BSN: variants seen among roughly 807,000 people sequenced by gnomAD.
BSN encodes the protein protein bassoon.
In BSN, 57 loss-of-function variants were observed where a neutral mutation model predicts 264.8. The observed-to-expected ratio is 0.22, with a 90% CI of 0.17 to 0.27. The LOEUF (loss-of-function observed/expected upper bound fraction) is 0.27. BSN is among the 10% of genes least tolerant of loss of function. The pLI, the probability that BSN is intolerant of heterozygous loss-of-function variation, is 1.00. For missense variants in BSN, 4,615 were observed against 5,232.5 expected (o/e 0.88, Z 3.64); for synonymous variants, 2,059 against 2,137.3 (o/e 0.96, Z 1.01).
At chr3:49,611,534 T>C (rs546025919) in intron 1 of BSN, among the ~76,000 whole-genome samples, 3 of 152,162 alleles carry the variant, frequency 2.0e-5, no homozygotes, top group South Asian at 2.1e-4. Flanking sequence ...GAAGACGAGG[T>C]TGGGAAATGT....
chr3:49,636,703 G>T (rs527710464), intron 2 of BSN, among the ~76,000 whole-genome samples: 1 of 152,372 alleles, frequency 6.6e-6, no homozygotes, highest in African/African-American at 2.4e-5. Flanking sequence ...ATTGGCACAG[G>T]CCTCCCCTGG....
At chr3:49,559,115 C>T (rs1387829780) in intron 1 of BSN, among the ~76,000 whole-genome samples, 3 of 151,722 alleles carry the variant, frequency 2.0e-5, no homozygotes, top group African/African-American at 2.4e-5. Flanking sequence ...TTAGTAGAGA[C>T]GGGGTTTCAC....
intron 1 of BSN, among the ~76,000 whole-genome samples, chr3:49,589,482 C>A (rs1437520325): frequency 2.0e-5 from 3 of 148,808 alleles, no homozygotes; most frequent in Admixed American, 6.9e-5. Context: ...TATCAATCTT[C>A]AATCTTCATT....
intron 6 of BSN, 88 bp from the exon 7 acceptor site, chr3:49,662,788 C>T (rs2052672519): frequency 1.3e-6 from 2 of 1,483,754 alleles, no homozygotes; most frequent in Non-Finnish European, 1.8e-6. Flanking sequence ...GTGGCACCCA[C>T]TCTCTTGGTT....
intron 1 of BSN, among the ~76,000 whole-genome samples, chr3:49,567,922 G>A (rs1223813830): frequency 6.6e-6 from 1 of 152,138 alleles, no homozygotes; most frequent in African/African-American, 2.4e-5. Flanking sequence ...CTGTTAGCTG[G>A]GAGCCCCAGG....
At chr3:49,584,277 G>T (rs550128771) in intron 1 of BSN, among the ~76,000 whole-genome samples, 1 of 72,584 alleles carries the variant, frequency 1.4e-5, no homozygotes, top group African/African-American at 5.4e-5. Context: ...TTAAAAGAAG[G>T]CTTATTGATT....
intron 1 of BSN, among the ~76,000 whole-genome samples, chr3:49,594,198 T>G (rs530845807): frequency 6.6e-6 from 1 of 152,374 alleles, no homozygotes; most frequent in African/African-American, 2.4e-5. Context: ...AAGCAAAACC[T>G]TTTAAATTTG....
intron 1 of BSN, among the ~76,000 whole-genome samples, chr3:49,588,898 T>C (rs892025771): frequency 1.3e-5 from 2 of 151,800 alleles, no homozygotes; most frequent in African/African-American, 4.8e-5. Flanking sequence ...GAGTGCGCAT[T>C]CTGCTGTTGT....
intron 1 of BSN, among the ~76,000 whole-genome samples, chr3:49,564,955 C>T (rs1420549760): frequency 6.6e-6 from 1 of 150,762 alleles, no homozygotes; most frequent in Non-Finnish European, 1.5e-5. Flanking sequence ...AGCAAGTGCT[C>T]TGCAGATGAA....
Position 49,654,309 on chromosome 3 carries a change from A to G in BSN, c.4753A>G (p.Thr1585Ala). The G allele has an allele frequency of 6.2e-7, 1 of 1,613,416 alleles. No individual in the cohort carries two copies. The highest frequency in any genetic ancestry group is 8.5e-7 in the Non-Finnish European group (1 of 1,179,854). The change falls in exon 5 of 12, where the codon ACT becomes GCT. Residue 1585 changes from threonine (T) to alanine (A), a missense_variant. This residue lies in a region of BSN where 3,415 missense variants were observed against 3,866.4 expected (regional missense o/e 0.88). Coordinates refer to ENST00000296452, the MANE Select transcript of BSN (RefSeq NM_003458.4). This position sits in a 1 kb window ranked among gnomAD's most constrained non-coding sequence, Gnocchi z 4.1. ...CTCCACCTCCCCGCTCTGCTCACCT[A>G]CTGAAACCCAGCCCACCACCCATGG... The part of the protein sequence containing the change: ...SASTSPLCSP[T>A]ETQPTTHGYS...
rs1315839288 is a variant in BSN at position 49,657,122 on chromosome 3, T to C, written c.7566T>C (p.Pro2522=). The C allele has an allele frequency of 4.3e-6, 7 of 1,612,734 alleles. No individual in the cohort carries two copies. Among genetic ancestry groups the C allele is most frequent in the South Asian group, 1.1e-5 (1 of 91,002 alleles). ...CAGGGCCTGAAGGACTTGGGCAGCCTCGTGAGCCTGTGCTGCACCGGGGTC... is the reference window on the plus strand; with the variant it reads ...CAGGGCCTGAAGGACTTGGGCAGCCCCGTGAGCCTGTGCTGCACCGGGGTC... ...AMAGPEGLGQ[P]REPVLHRGLP... is the part of the protein sequence containing the mutation. The change falls in exon 5 of 12, where the codon CCT becomes CCC. Residue 2522 remains proline (P), a synonymous_variant. Coordinates refer to ENST00000296452, the MANE Select transcript of BSN (RefSeq NM_003458.4).
chr3:49,650,688 C>T lies in BSN; in HGVS notation c.1595C>T (p.Pro532Leu), dbSNP rs773050937. 127 of 1,610,096 alleles carry T rather than the reference C, an allele frequency of 7.9e-5. No homozygotes were observed. Among genetic ancestry groups the T allele is most frequent in the Admixed American group, 3.7e-4 (22 of 58,704 alleles). The part of the protein sequence containing the change: ...EGSLGEPTPL[P>L]PPTSQQPPVG... ...AGCCTAGGAGAGCCGACCCCCCTGC[C>T]GCCGCCCACCTCACAGCAGCCCCCT... The change falls in exon 4 of 12, where the codon CCG (proline) becomes CTG (leucine). Residue 532 changes from proline (P) to leucine (L), a missense_variant. This residue lies in a region of BSN where 1,197 missense variants were observed against 1,348.0 expected (regional missense o/e 0.89). Coordinates refer to ENST00000296452, the MANE Select transcript of BSN (RefSeq NM_003458.4).
chr3:49,657,209 T>C lies in BSN; in HGVS notation c.7653T>C (p.Ser2551=). The change falls in exon 5 of 12, where the codon AGT becomes AGC. Residue 2551 remains serine (S), a synonymous_variant. Transcript: ENST00000296452. ...QTEEQWEASR[S]GIKKRHSMPR... is the part of the protein sequence containing the mutation. ...AGGAGCAGTGGGAGGCCAGCCGTAG[T>C]GGCATCAAGAAGCGGCACTCCATGC... 6.2e-7 allele frequency: 1 copy of C among 1,613,412 alleles called. No homozygotes were observed.
chr3:49,614,438 A>G (rs2052242468), intron 1 of BSN, among the ~76,000 whole-genome samples: 1 of 152,170 alleles, frequency 6.6e-6, no homozygotes, highest in African/African-American at 2.4e-5. Context: ...AGCTCTTGCT[A>G]TTCTGGAAAA....
intron 1 of BSN, among the ~76,000 whole-genome samples, chr3:49,568,180 T>A (rs1252940513): frequency 6.6e-6 from 1 of 152,212 alleles, no homozygotes; most frequent in Admixed American, 6.5e-5. Flanking sequence ...CATGTGGGAC[T>A]GGAAATCTTG....
intron 1 of BSN, among the ~76,000 whole-genome samples, chr3:49,592,043 T>TA (rs1344110864): frequency 6.6e-6 from 1 of 152,188 alleles, no homozygotes; most frequent in African/African-American, 2.4e-5. Flanking sequence ...ACCAATGGGA[T>TA]AGGATAATTT....
rs1027371936 is a variant in BSN at position 49,656,722 on chromosome 3, G to A, written c.7166G>A (p.Arg2389Gln). The A allele has an allele frequency of 5.1e-6, 8 of 1,577,602 alleles. No homozygotes were observed. The highest frequency in any genetic ancestry group is 2.3e-5 in the South Asian group (2 of 86,972). Reference protein sequence around the residue: ...RVELEKLRQLRLQEELERERV... With the variant: ...RVELEKLRQLQLQEELERERV... ...GAGTTGGAGAAGCTGCGACAACTTC[G>A]GCTGCAAGAGGAGCTAGAGCGGGAA... The change falls in exon 5 of 12, where the codon CGG becomes CAG. Residue 2389 changes from arginine to glutamine, a missense_variant. Physicochemically the swap from Arg to Gln is conservative, Grantham distance 43 (BLOSUM62 1). Around this residue, in one of 3 missense-constraint regions of BSN, gnomAD observed 3,415 missense variants for 3,866.4 expected, o/e 0.88. Transcript: ENST00000296452.
rs1440107027 is a variant in BSN at position 49,554,671 on chromosome 3, C to A, written c.69C>A (p.Pro23=). The A allele has an allele frequency of 1.1e-5, 11 of 1,001,612 alleles. No individual in the cohort carries two copies. The highest frequency in any genetic ancestry group is 6.0e-5 in the Admixed American group (1 of 16,580). 62.0% of individuals were successfully genotyped at this position (1,001,612 alleles called of 1,614,324 possible). A position where few individuals can be genotyped will look rare whatever the true frequency, so the allele number is the denominator to read the frequency against. The part of the protein sequence containing the change: ...DGPLPPGGAG[P]GPGPGPGPGA... ...CGCTGCCGCCCGGCGGCGCCGGCCC[C>A]GGCCCGGGCCCCGGCCCCGGCCCCG... Residue 23 remains proline (P), a synonymous_variant, in exon 1 of 12, where the codon CCC becomes CCA. Coordinates refer to ENST00000296452, the MANE Select transcript of BSN (RefSeq NM_003458.4).
intron 1 of BSN, 139 bp downstream of exon 1, chr3:49,554,965 C>T: frequency 2.0e-6 from 1 of 494,432 alleles, no homozygotes; most frequent in Non-Finnish European, 3.0e-6. Flanking sequence ...TTGGCGTGAA[C>T]TGGGTGGTCG....
Sources: gnomAD v4.1 joint callset for allele counts (sites outside exome capture counted in the v4.1 genomes callset) on GRCh38, gnomAD v4.1.1 for gene constraint, gnomAD v4.1.1 regional missense constraint, Gnocchi (gnomAD v3.1) non-coding constraint, MANE v1.5 for transcripts, NCBI Gene and HGNC (gene_info 2026-07-23, HGNC 2026-07-21) for gene names.